Variants in ARHGAP26 observed in about 807,000 individuals in gnomAD.
ARHGAP26 encodes the protein Rho GTPase activating protein 26.
A neutral mutation model predicts 104.8 loss-of-function variants in ARHGAP26; 38 were observed. The ratio of observed to expected loss-of-function variants is 0.36; its 90% CI spans 0.28 to 0.48. ARHGAP26 has a LOEUF of 0.48. Among genes scored for constraint, ARHGAP26 ranks in the 20% least tolerant of loss-of-function variants. The pLI is 0.99. For synonymous variants in ARHGAP26, 341 were observed against 340.0 expected, an observed-to-expected ratio of 1.00 and a Z score of -0.03; for missense variants, 704 against 947.9, an observed-to-expected ratio of 0.74 and a Z score of 3.38.
chr5:142,926,970 C>T (rs1487127356), intron 10 of ARHGAP26, among the ~76,000 whole-genome samples: 1 of 152,148 alleles, frequency 6.6e-6, no homozygotes, highest in East Asian at 1.9e-4. Context: ...AGGTGTAATC[C>T]TGGTAACGCT....
At chr5:143,160,955 C>G (rs1801155813) in intron 20 of ARHGAP26, among the ~76,000 whole-genome samples, 1 of 151,048 alleles carries the variant, frequency 6.6e-6, no homozygotes, top group Admixed American at 6.6e-5. Flanking sequence ...AGCTCTCGCT[C>G]AGGAAGCTGA....
intron 3 of ARHGAP26, among the ~76,000 whole-genome samples, chr5:142,876,763 C>T (rs2152375256): frequency 9.4e-6 from 1 of 106,082 alleles, no homozygotes; most frequent in African/African-American, 3.9e-5. Flanking sequence ...GGCAACAGAG[C>T]AAGACCCTGT....
At chr5:142,953,955 G>C (rs1194253865) in intron 11 of ARHGAP26, among the ~76,000 whole-genome samples, 2 of 152,084 alleles carry the variant, frequency 1.3e-5, no homozygotes, top group African/African-American at 4.8e-5. Context: ...GGTCTCTGTT[G>C]GTATCTGATC....
At chr5:143,111,690 G>C (rs1329025855) in intron 17 of ARHGAP26, among the ~76,000 whole-genome samples, 1 of 152,226 alleles carries the variant, frequency 6.6e-6, no homozygotes, top group South Asian at 2.1e-4. Context: ...TGTACTGAAA[G>C]GATCCTGGTA....
chr5:142,827,232 A>AT (rs1767472439), intron 1 of ARHGAP26, among the ~76,000 whole-genome samples: 1 of 151,830 alleles, frequency 6.6e-6, no homozygotes, highest in African/African-American at 2.4e-5. Flanking sequence ...GCTGGCCTCC[A>AT]TGGTTGGTTG....
In ARHGAP26 at chr5:142,932,044, C is replaced by T. The variant is rs2152534620; in HGVS notation, c.1029-3C>T. The T allele has an allele frequency of 1.2e-6, 2 of 1,613,796 alleles. No homozygotes were observed. Among genetic ancestry groups the T allele is most frequent in the East Asian group, 2.2e-5 (1 of 44,896 alleles). On this transcript the variant is annotated splice_region_variant and splice_polypyrimidine_tract_variant and intron_variant, in intron 10 of 22. Coordinates refer to ENST00000645722, the MANE Select transcript of ARHGAP26 (RefSeq NM_001135608.3). ...CATATCCATGTCCCTCCTTTCTCTG[C>T]AGGCCAGGGGTTATCACCATGCAAG...
chr5:142,851,289 G>T (rs940365623), intron 1 of ARHGAP26, among the ~76,000 whole-genome samples: 41 of 152,080 alleles, frequency 2.7e-4, no homozygotes, highest in African/African-American at 8.9e-4. Flanking sequence ...TAGAGACGGG[G>T]TTTTTCCATG....
chr5:142,929,092 C>A (rs1764345486), intron 10 of ARHGAP26, among the ~76,000 whole-genome samples: 2 of 152,168 alleles, frequency 1.3e-5, no homozygotes, highest in Non-Finnish European at 2.9e-5. Flanking sequence ...CGTGTGCTAC[C>A]ACGCCCAGCT....
At chr5:142,877,474 G>A (rs2152378009) in intron 3 of ARHGAP26, among the ~76,000 whole-genome samples, 1 of 152,234 alleles carries the variant, frequency 6.6e-6, no homozygotes, top group East Asian at 1.9e-4. Context: ...ACATCAGGCA[G>A]TGTTGGAACC....
intron 20 of ARHGAP26, among the ~76,000 whole-genome samples, chr5:143,184,980 T>A (rs181472686): frequency 6.6e-6 from 1 of 152,078 alleles, no homozygotes; most frequent in Non-Finnish European, 1.5e-5. Context: ...TAATGAGAGG[T>A]CTATGCAACA....
At chr5:142,916,527 A>G (rs1431376088) in intron 10 of ARHGAP26, among the ~76,000 whole-genome samples, 2 of 152,240 alleles carry the variant, frequency 1.3e-5, no homozygotes, top group African/African-American at 2.4e-5. Context: ...ACTACTTGGT[A>G]TGTTAAATAC....
At chr5:142,954,620 C>T (rs553739356) in intron 11 of ARHGAP26, among the ~76,000 whole-genome samples, 1 of 152,320 alleles carries the variant, frequency 6.6e-6, no homozygotes, top group East Asian at 1.9e-4. Context: ...GTTCCCTCAC[C>T]CAGATCAGTA....
At position 142,934,765 on chromosome 5, in the gene ARHGAP26, A is replaced by ATT. The variant is rs200889210; in HGVS notation, c.1107+2653_1107+2654dup. On this transcript the variant is annotated intron_variant, in intron 11 of 22. Transcript: ENST00000645722. ...TTGATGGATTATTTGGTGTTGGTGG[A>ATT]TTTTTTTTTTTTTTGGAGGGGGTTA... is the stretch of plus-strand genomic sequence containing the variant. Among the ~76,000 whole-genome samples the ATT allele has an allele frequency of 9.8e-3, 1,305 of 133,330 alleles. 12 individuals are homozygous for ATT. Among genetic ancestry groups the ATT allele is most frequent in the Non-Finnish European group, 0.016 (989 of 60,562 alleles). The allele number at this position is 133,330 out of a possible 152,430, so 87.5% of individuals were successfully genotyped here. A position where few individuals can be genotyped will look rare whatever the true frequency, so the allele number is the denominator to read the frequency against.
At chr5:142,878,863 A>T (rs1034977058) in intron 3 of ARHGAP26, among the ~76,000 whole-genome samples, 1 of 152,110 alleles carries the variant, frequency 6.6e-6, no homozygotes, top group African/African-American at 2.4e-5. Context: ...AGTAGTCAGG[A>T]GGCACAGGTG....
chr5:142,835,222 T>C (rs1769313713), intron 1 of ARHGAP26, among the ~76,000 whole-genome samples: 1 of 152,260 alleles, frequency 6.6e-6, no homozygotes, highest in African/African-American at 2.4e-5. Context: ...TTGAAGTTAA[T>C]GCTTTAACAA....
At chr5:142,834,643 G>A (rs1391212827) in intron 1 of ARHGAP26, among the ~76,000 whole-genome samples, 1 of 152,158 alleles carries the variant, frequency 6.6e-6, no homozygotes, top group East Asian at 1.9e-4. Flanking sequence ...TTCATCCTGG[G>A]CATCTACATG....
intron 1 of ARHGAP26, among the ~76,000 whole-genome samples, chr5:142,798,905 G>T (rs1186567290): frequency 6.6e-6 from 1 of 152,190 alleles, no homozygotes; most frequent in Non-Finnish European, 1.5e-5. Flanking sequence ...GCAGCATGGA[G>T]CCCCTTCATC....
chr5:142,789,214 T>C (rs1038557067), intron 1 of ARHGAP26, among the ~76,000 whole-genome samples: 1 of 152,238 alleles, frequency 6.6e-6, no homozygotes, highest in African/African-American at 2.4e-5. Flanking sequence ...GTAGCAGCTA[T>C]TGCTACTCTA....
At chr5:142,781,630 T>C (rs1757506492) in intron 1 of ARHGAP26, among the ~76,000 whole-genome samples, 1 of 152,150 alleles carries the variant, frequency 6.6e-6, no homozygotes, top group African/African-American at 2.4e-5. Flanking sequence ...GGGAATACAG[T>C]CTGCTGAAAA....
Sources: allele counts gnomAD v4.1 joint callset (sites outside exome capture counted in the v4.1 genomes callset), GRCh38; gene constraint gnomAD v4.1.1; transcripts MANE v1.5; gene names NCBI Gene and HGNC (gene_info 2026-07-23, HGNC 2026-07-21).